The following SLC24A2 variants were observed in gnomAD, a reference collection of about 807,000 sequenced individuals.
The protein encoded by SLC24A2 is sodium/potassium/calcium exchanger 2.
SLC24A2 carries 36 observed loss-of-function variants against 62.0 expected under a neutral mutation model. The observed-to-expected ratio is 0.58, with a 90% confidence interval of 0.44 to 0.77. The LOEUF is 0.77. SLC24A2 is among the 30% of genes least tolerant of loss of function. The probability of loss-of-function intolerance (pLI) is 0.00; values close to 1 mark genes in which losing one functional copy is unlikely to be tolerated. For synonymous variants in SLC24A2, 358 were observed against 294.0 expected (o/e 1.22, Z -2.23); for missense variants, 846 against 817.9 (o/e 1.03, Z -0.42).
At chr9:19,608,842 C>A (rs1359056339) in intron 4 of SLC24A2, among the ~76,000 whole-genome samples, 1 of 152,040 alleles carries the variant, frequency 6.6e-6, no homozygotes, top group Non-Finnish European at 1.5e-5. Context: ...ACCTAGCACC[C>A]CTCGACAGGA....
At chr9:19,877,468 G>C in the SLC24A2 span, among the ~76,000 whole-genome samples, 1 of 150,976 alleles carries the variant, frequency 6.6e-6, no homozygotes, top group African/African-American at 2.4e-5. Context: ...ACTTCTTTGT[G>C]ATAGTTCCCT....
chr9:19,529,836 T>G (rs950715131), intron 8 of SLC24A2, among the ~76,000 whole-genome samples: 2 of 149,800 alleles, frequency 1.3e-5, no homozygotes, highest in African/African-American at 4.9e-5. Context: ...CTGCAACCTC[T>G]GCCTCCTGGG....
intron 2 of SLC24A2, among the ~76,000 whole-genome samples, chr9:19,671,378 A>G (rs12684876): frequency 0.031 from 4,646 of 152,130 alleles, 151 homozygotes; most frequent in East Asian, 0.092. Flanking sequence ...TGTATAGCAG[A>G]ACTACTCATT....
At chr9:20,170,343 G>C in the SLC24A2 span, among the ~76,000 whole-genome samples, 1 of 152,002 alleles carries the variant, frequency 6.6e-6, no homozygotes, top group South Asian at 2.1e-4. Flanking sequence ...AACTAAGATT[G>C]CAAGAGCACA....
chr9:20,102,549 G>C, the SLC24A2 span, among the ~76,000 whole-genome samples: 2 of 151,904 alleles, frequency 1.3e-5, no homozygotes, highest in Non-Finnish European at 2.9e-5. Flanking sequence ...TGTAGATGAC[G>C]GGTTGATGGG....
the SLC24A2 span, among the ~76,000 whole-genome samples, chr9:20,008,875 T>C: frequency 3.9e-5 from 6 of 151,982 alleles, no homozygotes; most frequent in Non-Finnish European, 7.4e-5. Context: ...ACGGGAAGAA[T>C]AGGAGTTCTC....
chr9:20,167,616 T>C, the SLC24A2 span, among the ~76,000 whole-genome samples: 2 of 152,144 alleles, frequency 1.3e-5, no homozygotes, highest in African/African-American at 4.8e-5. Context: ...CTTGGACAAA[T>C]GATTGATTCC....
At chr9:20,095,135 C>A in the SLC24A2 span, among the ~76,000 whole-genome samples, 1 of 152,060 alleles carries the variant, frequency 6.6e-6, no homozygotes, top group East Asian at 1.9e-4. Context: ...GGAAAAAAAT[C>A]CAATTTTTGT....
At chr9:20,200,899 C>T in the SLC24A2 span, among the ~76,000 whole-genome samples, 15 of 152,196 alleles carry the variant, frequency 9.9e-5, no homozygotes, top group Non-Finnish European at 1.3e-4. Context: ...TTGGAGGTCA[C>T]AAGTGTGGTA....
At chr9:20,106,381 C>T in the SLC24A2 span, among the ~76,000 whole-genome samples, 1 of 152,120 alleles carries the variant, frequency 6.6e-6, no homozygotes, top group African/African-American at 2.4e-5. Flanking sequence ...CAAAGCCGGG[C>T]AGAGACACAA....
chr9:20,126,902 G>C, the SLC24A2 span, among the ~76,000 whole-genome samples: 1 of 152,088 alleles, frequency 6.6e-6, no homozygotes, highest in Non-Finnish European at 1.5e-5. Flanking sequence ...TTTAGGAAGA[G>C]GAGAAAAAAT....
At chr9:19,533,194 C>T (rs1399812009) in intron 8 of SLC24A2, among the ~76,000 whole-genome samples, 2 of 152,164 alleles carry the variant, frequency 1.3e-5, no homozygotes, top group Non-Finnish European at 2.9e-5. Context: ...CTTGTAATTA[C>T]TGTCAAGGTT....
the SLC24A2 span, among the ~76,000 whole-genome samples, chr9:20,056,816 G>A: frequency 6.6e-6 from 1 of 152,200 alleles, no homozygotes; most frequent in Non-Finnish European, 1.5e-5. Flanking sequence ...ATGAGGGAAA[G>A]TGATATATGC....
At chr9:19,691,015 T>C (rs12555771) in intron 2 of SLC24A2, among the ~76,000 whole-genome samples, 27,476 of 152,070 alleles carry the variant, frequency 0.18, 2,635 homozygotes, top group Middle Eastern at 0.24. Flanking sequence ...GTTCATATGA[T>C]AATTAGTTAA....
the SLC24A2 span, among the ~76,000 whole-genome samples, chr9:19,889,089 G>A: frequency 6.6e-6 from 1 of 152,200 alleles, no homozygotes; most frequent in East Asian, 1.9e-4. Context: ...ATAAGCAGGT[G>A]CCTGGCACCG....
At chr9:20,140,325 C>T in the SLC24A2 span, among the ~76,000 whole-genome samples, 1 of 152,070 alleles carries the variant, frequency 6.6e-6, no homozygotes, top group Admixed American at 6.5e-5. Flanking sequence ...CTTCTGCCAG[C>T]GTTGAAAGCA....
At chr9:20,136,673 C>A in the SLC24A2 span, among the ~76,000 whole-genome samples, 1 of 152,066 alleles carries the variant, frequency 6.6e-6, no homozygotes, top group Admixed American at 6.6e-5. Flanking sequence ...AGAAACAGGT[C>A]TCACTTAGGA....
At chr9:19,565,136 TAA>T (rs1563969868) in intron 7 of SLC24A2, among the ~76,000 whole-genome samples, 1 of 152,072 alleles carries the variant, frequency 6.6e-6, no homozygotes, top group African/African-American at 2.4e-5. Flanking sequence ...GAGAAAGAAA[TAA>T]AGGTATTCAA....
the SLC24A2 span, among the ~76,000 whole-genome samples, chr9:19,891,205 G>A: frequency 1.3e-5 from 2 of 152,126 alleles, no homozygotes; most frequent in African/African-American, 2.4e-5. Flanking sequence ...CTTTTCTTCA[G>A]TCTTGTCCTG....
Sources: gnomAD v4.1 joint callset for allele counts (sites outside exome capture counted in the v4.1 genomes callset) on GRCh38, gnomAD v4.1.1 for gene constraint, MANE v1.5 for transcripts, NCBI Gene and HGNC (gene_info 2026-07-23, HGNC 2026-07-21) for gene names.